The following SUGCT variants were observed in gnomAD, a reference collection of about 807,000 sequenced individuals.
SUGCT encodes the protein succinyl-CoA:glutarate CoA-transferase.
SUGCT carries 41 observed loss-of-function variants against 55.0 expected under a neutral mutation model. The ratio of observed to expected loss-of-function variants is 0.74; its 90% CI spans 0.58 to 0.97. The LOEUF is 0.97. Ranked by LOEUF, SUGCT falls within the 50% of genes least tolerant of loss-of-function variation. The probability of loss-of-function intolerance (pLI) is 0.00; values close to 1 mark genes in which losing one functional copy is unlikely to be tolerated. For synonymous variants in SUGCT, 187 were observed against 200.4 expected, an observed-to-expected ratio of 0.93 and a Z score of 0.56; for missense variants, 568 against 547.8, an observed-to-expected ratio of 1.04 and a Z score of -0.37.
chr7:40,283,457 G>A (rs1260472583), intron 8 of SUGCT, among the ~76,000 whole-genome samples: 1 of 152,018 alleles, frequency 6.6e-6, no homozygotes, highest in African/African-American at 2.4e-5. Context: ...TTAAACTCCT[G>A]ACCTCAGGTG....
chr7:40,983,536 T>G, the SUGCT span, among the ~76,000 whole-genome samples: 5 of 152,186 alleles, frequency 3.3e-5, no homozygotes, highest in African/African-American at 1.2e-4. Flanking sequence ...GCTCACTTAG[T>G]GAGACTGGAC....
At chr7:40,309,255 C>A (rs1795010677) in intron 8 of SUGCT, among the ~76,000 whole-genome samples, 1 of 152,072 alleles carries the variant, frequency 6.6e-6, no homozygotes, top group East Asian at 1.9e-4. Context: ...GCTGTATCCC[C>A]AGTATCTAGA....
At chr7:40,500,052 C>T (rs188602485) in intron 12 of SUGCT, among the ~76,000 whole-genome samples, 36 of 152,202 alleles carry the variant, frequency 2.4e-4, no homozygotes, top group African/African-American at 8.2e-4. Flanking sequence ...TCATTGTCTA[C>T]GTTGAGAATG....
chr7:41,022,812 T>C, the SUGCT span, among the ~76,000 whole-genome samples: 9 of 151,962 alleles, frequency 5.9e-5, no homozygotes, highest in African/African-American at 2.2e-4. Flanking sequence ...AAAGAAAGTA[T>C]AAAAAAAATA....
chr7:40,604,922 G>A (rs1282433758), intron 12 of SUGCT, among the ~76,000 whole-genome samples: 1 of 152,206 alleles, frequency 6.6e-6, no homozygotes, highest in Non-Finnish European at 1.5e-5. Context: ...AGGTCAGCAC[G>A]CTGACCCGGA....
chr7:40,529,717 T>C (rs1793985382), intron 12 of SUGCT, among the ~76,000 whole-genome samples: 2 of 152,214 alleles, frequency 1.3e-5, no homozygotes, highest in African/African-American at 4.8e-5. Flanking sequence ...AGAAGACCTG[T>C]ATGGAAAACC....
rs554591334 is a variant in SUGCT at position 40,411,371 on chromosome 7, C to T, written c.817-37916C>T. Among the ~76,000 whole-genome samples the T allele has an allele frequency of 7.2e-5, 11 of 152,240 alleles. No individual in the cohort carries two copies. The East Asian group carries it at 9.7e-4, about 13-fold the overall frequency. On this transcript the variant is annotated intron_variant, in intron 9 of 13. Coordinates refer to ENST00000335693, the MANE Select transcript of SUGCT (RefSeq NM_001193313.2). ...TCGTGCCACTGTGCTCCAGCTTGGG[C>T]GATAGAGTGAGACTGTGTCTCAAAA...
intron 12 of SUGCT, among the ~76,000 whole-genome samples, chr7:40,505,243 G>A (rs1238691440): frequency 6.6e-6 from 1 of 151,938 alleles, no homozygotes; most frequent in Non-Finnish European, 1.5e-5. Flanking sequence ...TTGTAACTTT[G>A]ATTCTAAAGT....
In SUGCT at chr7:40,254,909, A is replaced by G. The variant is rs144906376; in HGVS notation, c.576+17183A>G. On this transcript the variant is annotated intron_variant, in intron 7 of 13. Coordinates refer to ENST00000335693, the MANE Select transcript of SUGCT (RefSeq NM_001193313.2). ...AATAAAATATTTGCTTTAAAGTTTG[A>G]AAAACAATAGTAATGAAAGGATATG... is the stretch of plus-strand genomic sequence containing the variant. Among the ~76,000 whole-genome samples the G allele has an allele frequency of 5.5e-3, 833 of 151,934 alleles. 7 individuals carry two copies. The highest frequency in any genetic ancestry group is 0.019 in the African/African-American group (800 of 41,516).
chr7:40,822,755 A>G (rs1302721118), intron 13 of SUGCT, among the ~76,000 whole-genome samples: 1 of 152,118 alleles, frequency 6.6e-6, no homozygotes, highest in African/African-American at 2.4e-5. Flanking sequence ...ATCTGAGGTA[A>G]TCTCATATTG....
intron 12 of SUGCT, among the ~76,000 whole-genome samples, chr7:40,716,108 T>C (rs1786005831): frequency 6.6e-6 from 1 of 152,180 alleles, no homozygotes; most frequent in Non-Finnish European, 1.5e-5. Context: ...GTGAACTCAA[T>C]TGATGAGCTG....
chr7:40,591,922 A>T (rs1797744872), intron 12 of SUGCT, among the ~76,000 whole-genome samples: 1 of 152,206 alleles, frequency 6.6e-6, no homozygotes, highest in Non-Finnish European at 1.5e-5. Flanking sequence ...AATTCATGTG[A>T]CTTATTTTAT....
chr7:40,907,252 A>G, the SUGCT span, among the ~76,000 whole-genome samples: 15 of 152,178 alleles, frequency 9.9e-5, no homozygotes, highest in East Asian at 2.7e-3. Flanking sequence ...TGCAGTATCA[A>G]TGTCCTGACT....
the SUGCT span, among the ~76,000 whole-genome samples, chr7:41,031,692 A>G: frequency 6.6e-6 from 1 of 152,014 alleles, no homozygotes; most frequent in Non-Finnish European, 1.5e-5. Flanking sequence ...TCTTCTTCCA[A>G]ATTCTTTAGA....
intron 12 of SUGCT, among the ~76,000 whole-genome samples, chr7:40,632,042 G>A (rs529856217): frequency 5.3e-5 from 8 of 152,176 alleles, no homozygotes; most frequent in African/African-American, 1.4e-4. Context: ...GAATGCTAGC[G>A]CCCCAGGAGC....
intron 13 of SUGCT, among the ~76,000 whole-genome samples, chr7:40,852,076 C>A (rs999037449): frequency 7.2e-5 from 11 of 152,174 alleles, no homozygotes; most frequent in Admixed American, 5.2e-4. Context: ...GCTAAAGACC[C>A]ACTGACATCT....
At chr7:40,978,439 A>G in the SUGCT span, among the ~76,000 whole-genome samples, 1 of 152,192 alleles carries the variant, frequency 6.6e-6, no homozygotes, top group Admixed American at 6.5e-5. Flanking sequence ...ACCAAGTGCC[A>G]GGCATGTGTA....
intron 9 of SUGCT, among the ~76,000 whole-genome samples, chr7:40,338,731 G>A (rs1345450636): frequency 2.0e-5 from 3 of 152,142 alleles, no homozygotes; most frequent in Non-Finnish European, 4.4e-5. Flanking sequence ...ATCGTCTGAA[G>A]CCTTCTCCTC....
intron 10 of SUGCT, among the ~76,000 whole-genome samples, chr7:40,454,665 A>AT (rs1468303557): frequency 2.0e-5 from 3 of 152,150 alleles, no homozygotes; most frequent in Non-Finnish European, 4.4e-5. Flanking sequence ...TTAACTGCAT[A>AT]TTTTTTTGTC....
Sources: allele counts gnomAD v4.1 joint callset (sites outside exome capture counted in the v4.1 genomes callset), GRCh38; gene constraint gnomAD v4.1.1; transcripts MANE v1.5; gene names NCBI Gene and HGNC (gene_info 2026-07-23, HGNC 2026-07-21).